The following SLC27A2 variants were observed in gnomAD, a reference collection of about 807,000 sequenced individuals.
The protein encoded by SLC27A2 is long-chain fatty acid transport protein 2.
In SLC27A2, 54 loss-of-function variants were observed where a neutral mutation model predicts 60.0. The observed-to-expected ratio is 0.90, with a 90% confidence interval of 0.72 to 1.13. SLC27A2 has a LOEUF of 1.13. Among genes scored for constraint, SLC27A2 ranks in the 50% most tolerant of loss-of-function variants. The probability of loss-of-function intolerance (pLI) is 0.00; values close to 1 mark genes in which losing one functional copy is unlikely to be tolerated. For missense variants in SLC27A2, 739 were observed against 777.6 expected, an observed-to-expected ratio of 0.95 and a Z score of 0.59; for synonymous variants, 297 against 297.6, an observed-to-expected ratio of 1.00 and a Z score of 0.02.
At chr15:50,200,861 G>T (rs1033983343) in intron 2 of SLC27A2, among the ~76,000 whole-genome samples, 6 of 152,174 alleles carry the variant, frequency 3.9e-5, no homozygotes, top group African/African-American at 1.2e-4. Context: ...ACTGGCAAAG[G>T]CCCCAACATT....
chr15:50,183,025 A>G, intron 1 of SLC27A2, 120 bp downstream of exon 1: 1 of 1,033,906 alleles, frequency 9.7e-7, no homozygotes, highest in Non-Finnish European at 1.4e-6. Context: ...TAGGTATAGA[A>G]AAAGGTTGGC....
In SLC27A2 at chr15:50,205,111, T is replaced by C. The variant is rs952905153; in HGVS notation, c.848-128T>C. On this transcript the variant is annotated intron_variant, in intron 3 of 9. Coordinates refer to ENST00000267842, the MANE Select transcript of SLC27A2 (RefSeq NM_003645.4). ...TAATTTTTTGCATTTGAATATAAGG[T>C]ACTCAATACTTGTTTGCAAATATAA... 2.7e-6 allele frequency: 3 copies of C among 1,092,706 alleles called. No individual in the cohort carries two copies. The African/African-American group carries it at 4.8e-5, about 17-fold the overall frequency. The allele number at this position is 1,092,706 out of a possible 1,614,324, so 67.7% of individuals were successfully genotyped here.
At chr15:50,232,605 G>T (rs2045323473) in intron 8 of SLC27A2, among the ~76,000 whole-genome samples, 2 of 152,164 alleles carry the variant, frequency 1.3e-5, no homozygotes, top group South Asian at 4.2e-4. Flanking sequence ...CCTGAGACCT[G>T]ACAGGCCCAT....
At chr15:50,228,814 G>A in intron 7 of SLC27A2, 131 bp from the exon 8 acceptor site, 1 of 671,264 alleles carries the variant, frequency 1.5e-6, no homozygotes, top group Non-Finnish European at 2.7e-6. Flanking sequence ...AAGTTGGGGA[G>A]TTTGAGGGGC....
chr15:50,233,591 A>G (rs1470331106), intron 8 of SLC27A2, among the ~76,000 whole-genome samples: 1 of 152,198 alleles, frequency 6.6e-6, no homozygotes, highest in Non-Finnish European at 1.5e-5. Flanking sequence ...AATAATATCT[A>G]CATCTCTTCA....
At chr15:50,194,597 T>C (rs1244326930) in intron 1 of SLC27A2, among the ~76,000 whole-genome samples, 1 of 152,030 alleles carries the variant, frequency 6.6e-6, no homozygotes, top group Non-Finnish European at 1.5e-5. Flanking sequence ...AGAGTGAAGC[T>C]GATAAATTAG....
chr15:50,187,128 A>G (rs2044931190), intron 1 of SLC27A2, among the ~76,000 whole-genome samples: 1 of 152,186 alleles, frequency 6.6e-6, no homozygotes. Flanking sequence ...ACTCTTTTCA[A>G]TTTTACTATA....
At chr15:50,220,458 G>C (rs2045234478) in intron 4 of SLC27A2, among the ~76,000 whole-genome samples, 1 of 152,210 alleles carries the variant, frequency 6.6e-6, no homozygotes, top group Non-Finnish European at 1.5e-5. Flanking sequence ...CCATCCAATA[G>C]ACAAGGAAAT....
At position 50,182,606 on chromosome 15, in the gene SLC27A2, TG is replaced by T. The variant is rs772042307; in HGVS notation, c.181del (p.Glu61ArgfsTer65). ...RPARTILRAF[L>X]EKARQTPHKP... ...GCGCGCACCATCCTGCGGGCGTTCC[TG>T]GAGAAAGCGCGCCAGACGCCACACA... On this transcript the variant is annotated frameshift_variant, in exon 1 of 10. Coordinates refer to ENST00000267842, the MANE Select transcript of SLC27A2 (RefSeq NM_003645.4). LOFTEE classifies it high-confidence loss of function. 2.5e-6 allele frequency: 4 copies of T among 1,613,720 alleles called. No homozygotes were observed. In the East Asian group the frequency reaches 8.9e-5, roughly 36 times the overall value.
intron 1 of SLC27A2, among the ~76,000 whole-genome samples, chr15:50,186,936 G>A (rs530351505): frequency 6.6e-6 from 1 of 152,294 alleles, no homozygotes; most frequent in Non-Finnish European, 1.5e-5. Context: ...TTGAGTTTCA[G>A]CCCAGGGCTT....
intron 4 of SLC27A2, among the ~76,000 whole-genome samples, chr15:50,216,940 T>C (rs1164699935): frequency 7.2e-6 from 1 of 139,672 alleles, no homozygotes; most frequent in East Asian, 2.0e-4. Flanking sequence ...ATTAACAGCA[T>C]TTGCAGTGAC....
intron 1 of SLC27A2, among the ~76,000 whole-genome samples, chr15:50,188,980 T>C (rs1248719332): frequency 1.1e-4 from 13 of 116,154 alleles, no homozygotes; most frequent in African/African-American, 4.4e-4. Flanking sequence ...GATAGATAGA[T>C]AAATAGATAG....
intron 2 of SLC27A2, among the ~76,000 whole-genome samples, chr15:50,202,182 G>A (rs1487036077): frequency 6.6e-6 from 1 of 152,136 alleles, no homozygotes; most frequent in Non-Finnish European, 1.5e-5. Context: ...CCTCCCACCT[G>A]TTTTTGTAAA....
In SLC27A2 at chr15:50,226,995, T is replaced by C; in HGVS notation, c.1274T>C (p.Leu425Pro). 1.9e-6 allele frequency: 3 copies of C among 1,613,860 alleles called. No homozygotes were observed. Among genetic ancestry groups the C allele is most frequent in the Non-Finnish European group, 2.5e-6 (3 of 1,179,902 alleles). The change falls in exon 7 of 10, where the codon CTG becomes CCG. Residue 425 changes from leucine (L) to proline (P), a missense_variant. Leu to Pro is a moderately conservative substitution (Grantham distance 98). Transcript: ENST00000267842. ...TCTGTCTTAGGTGAAGTTGGACTTCTGGTTTGCAAAATCACACAACTTACA... is the reference window on the plus strand; with the variant it reads ...TCTGTCTTAGGTGAAGTTGGACTTCCGGTTTGCAAAATCACACAACTTACA... ...VRVPKGEVGL[L>P]VCKITQLTPF...
At chr15:50,230,101 G>A (rs545858886) in intron 8 of SLC27A2, among the ~76,000 whole-genome samples, 1 of 152,072 alleles carries the variant, frequency 6.6e-6, no homozygotes, top group East Asian at 1.9e-4. Context: ...GGGTGTGGTG[G>A]CACGTGCCTA....
At chr15:50,234,262 G>A (rs541805421) in intron 9 of SLC27A2, among the ~76,000 whole-genome samples, 7 of 152,036 alleles carry the variant, frequency 4.6e-5, no homozygotes, top group African/African-American at 1.4e-4. Flanking sequence ...CCTAGGCAAC[G>A]TAGTGAGACT....
rs200433139 is a variant in SLC27A2, at chr15:50,190,632, AG to A, written c.479-6866del. Among the ~76,000 whole-genome samples the A allele has an allele frequency of 5.7e-3, 783 of 136,706 alleles. 6 individuals are homozygous for A. Among genetic ancestry groups the A allele is most frequent in the African/African-American group, 0.02 (744 of 38,054 alleles). 89.7% of individuals were successfully genotyped at this position (136,706 alleles called of 152,430 possible). The stretch of plus-strand genomic sequence containing the variant: ...CCTTTTTCCTTAAAAAAAAAAAAAA[AG>A]GCAGGGGCAGACTTAATATGCTACC... On this transcript the variant is annotated intron_variant, in intron 1 of 9. Coordinates refer to ENST00000267842, the MANE Select transcript of SLC27A2 (RefSeq NM_003645.4).
At chr15:50,185,660 C>T (rs1003272140) in intron 1 of SLC27A2, among the ~76,000 whole-genome samples, 2 of 127,504 alleles carry the variant, frequency 1.6e-5, no homozygotes, top group East Asian at 2.4e-4. Context: ...GACGGAATCT[C>T]GCTCTTTCGC....
intron 4 of SLC27A2, among the ~76,000 whole-genome samples, chr15:50,212,565 G>C (rs2045165981): frequency 6.6e-6 from 1 of 152,130 alleles, no homozygotes; most frequent in Non-Finnish European, 1.5e-5. Context: ...ACCTACAAAG[G>C]AAAACCTATT....
Sources: gnomAD v4.1 joint callset for allele counts (sites outside exome capture counted in the v4.1 genomes callset) on GRCh38, gnomAD v4.1.1 for gene constraint, MANE v1.5 for transcripts, NCBI Gene and HGNC (gene_info 2026-07-23, HGNC 2026-07-21) for gene names.